Variants in ENTREP2 observed in about 807,000 individuals in gnomAD.
ENTREP2 encodes protein ENTREP2.
At chr15:29,186,834 G>A in the ENTREP2 span, among the ~76,000 whole-genome samples, 15,574 of 152,210 alleles carry the variant, frequency 0.1, 1,068 homozygotes, top group Non-Finnish European at 0.15. Context: ...GAAAATTCTA[G>A]AACATTCTAG....
At chr15:29,183,684 T>G in the ENTREP2 span, among the ~76,000 whole-genome samples, 1 of 152,106 alleles carries the variant, frequency 6.6e-6, no homozygotes, top group Non-Finnish European at 1.5e-5. Context: ...TGGCTTACGG[T>G]ACCAAATGCG....
the ENTREP2 span, among the ~76,000 whole-genome samples, chr15:29,167,596 G>T: frequency 6.6e-6 from 1 of 152,300 alleles, no homozygotes; most frequent in South Asian, 2.1e-4. Context: ...TCAGGGAAAT[G>T]CAAATCAAAA....
At chr15:29,477,213 A>T in the ENTREP2 span, among the ~76,000 whole-genome samples, 1 of 152,202 alleles carries the variant, frequency 6.6e-6, no homozygotes, top group South Asian at 2.1e-4. Flanking sequence ...AAAAATTAAT[A>T]CAGGATGCTA....
At chr15:29,537,136 T>C in the ENTREP2 span, among the ~76,000 whole-genome samples, 1 of 152,208 alleles carries the variant, frequency 6.6e-6, no homozygotes. Context: ...ATTTTCCTTC[T>C]GCTTAAGCCA....
chr15:29,628,729 T>C, the ENTREP2 span, among the ~76,000 whole-genome samples: 3 of 152,192 alleles, frequency 2.0e-5, no homozygotes, highest in African/African-American at 4.8e-5. Flanking sequence ...TTAAGATCAC[T>C]GTGTGTTTTT....
chr15:29,216,754 A>C, the ENTREP2 span, among the ~76,000 whole-genome samples: 1 of 152,228 alleles, frequency 6.6e-6, no homozygotes, highest in Non-Finnish European at 1.5e-5. Context: ...TAAAAGTAAC[A>C]AATACTCAAT....
chr15:29,570,985 G>A, the ENTREP2 span, among the ~76,000 whole-genome samples: 2 of 144,894 alleles, frequency 1.4e-5, no homozygotes, highest in East Asian at 2.0e-4. Flanking sequence ...GCCCTCCCCC[G>A]CCCGCCCCGC....
chr15:29,567,172 G>A, the ENTREP2 span, among the ~76,000 whole-genome samples: 1 of 152,038 alleles, frequency 6.6e-6, no homozygotes, highest in Non-Finnish European at 1.5e-5. Context: ...CCACCTGCAG[G>A]GGGTCCTCAA....
At chr15:29,196,625 C>A in the ENTREP2 span, 3 of 1,516,764 alleles carry the variant, frequency 2.0e-6, no homozygotes, top group African/African-American at 1.4e-5. Flanking sequence ...CGAGGGTACG[C>A]GTGAGTGACA....
At chr15:29,269,953 T>C in the ENTREP2 span, 3 of 453,732 alleles carry the variant, frequency 6.6e-6, no homozygotes, top group Non-Finnish European at 1.1e-5. Context: ...ATTTTTAGTA[T>C]AGTGAAGTGT....
chr15:29,162,059 G>A, the ENTREP2 span, among the ~76,000 whole-genome samples: 4 of 152,202 alleles, frequency 2.6e-5, no homozygotes, highest in South Asian at 2.1e-4. Flanking sequence ...AGAAAAGGAA[G>A]GTCTGTTTGC....
the ENTREP2 span, among the ~76,000 whole-genome samples, chr15:29,399,341 C>T: frequency 6.6e-6 from 1 of 152,202 alleles, no homozygotes; most frequent in African/African-American, 2.4e-5. Context: ...ACCTGCTATG[C>T]TTGTGGCAAT....
chr15:29,297,319 T>C, the ENTREP2 span, among the ~76,000 whole-genome samples: 70 of 152,164 alleles, frequency 4.6e-4, no homozygotes, highest in Non-Finnish European at 4.9e-4. Flanking sequence ...GTACGCATCA[T>C]AGGGAATAAT....
At chr15:29,470,251 T>C in the ENTREP2 span, among the ~76,000 whole-genome samples, 1 of 152,162 alleles carries the variant, frequency 6.6e-6, no homozygotes, top group African/African-American at 2.4e-5. Flanking sequence ...GCCACGTTTG[T>C]TCTATGTGTG....
the ENTREP2 span, among the ~76,000 whole-genome samples, chr15:29,442,373 C>T: frequency 2.6e-5 from 4 of 152,232 alleles, no homozygotes; most frequent in Non-Finnish European, 4.4e-5. Context: ...TTGGGAAACA[C>T]AGCCGCATGC....
At chr15:29,646,609 T>C in the ENTREP2 span, among the ~76,000 whole-genome samples, 1 of 152,192 alleles carries the variant, frequency 6.6e-6, no homozygotes, top group African/African-American at 2.4e-5. Flanking sequence ...CTCGTGTAAT[T>C]AGATTAGGCT....
chr15:29,165,329 A>C, the ENTREP2 span, among the ~76,000 whole-genome samples: 5 of 152,170 alleles, frequency 3.3e-5, no homozygotes, highest in Non-Finnish European at 2.9e-5. Flanking sequence ...AGATCAGAGC[A>C]GAACTAAATG....
At chr15:29,293,486 G>GGT in the ENTREP2 span, among the ~76,000 whole-genome samples, 2 of 151,456 alleles carry the variant, frequency 1.3e-5, no homozygotes, top group East Asian at 1.9e-4. Context: ...TCGATCTCCT[G>GGT]ACCTTGTGAT....
the ENTREP2 span, among the ~76,000 whole-genome samples, chr15:29,312,915 G>GC: frequency 6.6e-6 from 1 of 152,194 alleles, no homozygotes; most frequent in South Asian, 2.1e-4. Flanking sequence ...TAGGCCTCTT[G>GC]CACCAGTTAG....
Sources: gnomAD v4.1 joint callset for allele counts (sites outside exome capture counted in the v4.1 genomes callset) on GRCh38, gnomAD v4.1.1 for gene constraint, MANE v1.5 for transcripts, NCBI Gene and HGNC (gene_info 2026-07-23, HGNC 2026-07-21) for gene names.